Variants in CREB5 observed in about 807,000 individuals in gnomAD.
The protein encoded by CREB5 is cyclic AMP-responsive element-binding protein 5.
Under a neutral mutation model 57.1 loss-of-function variants are expected in CREB5, and 19 were observed. The ratio of observed to expected loss-of-function variants is 0.33; its 90% CI spans 0.23 to 0.49. CREB5 has a LOEUF of 0.49. Among genes scored for constraint, CREB5 ranks in the 20% least tolerant of loss-of-function variants. The pLI is 0.99. For synonymous variants in CREB5, 238 were observed against 238.3 expected, an observed-to-expected ratio of 1.00 and a Z score of 0.01; for missense variants, 579 against 671.6, an observed-to-expected ratio of 0.86 and a Z score of 1.52.
chr7:28,701,364 G>T (rs537342506), intron 5 of CREB5, among the ~76,000 whole-genome samples: 1 of 152,144 alleles, frequency 6.6e-6, no homozygotes, highest in South Asian at 2.1e-4. Context: ...ATTTGTAAAT[G>T]GGCCAACTTT....
At chr7:28,401,190 A>G (rs2127999704) in intron 1 of CREB5, among the ~76,000 whole-genome samples, 1 of 152,280 alleles carries the variant, frequency 6.6e-6, no homozygotes, top group East Asian at 1.9e-4. Context: ...CAACTTTTAT[A>G]GGGATGTTAA....
chr7:28,560,889 T>TGCGCGCGCGC (rs1310018316), intron 4 of CREB5, among the ~76,000 whole-genome samples: 1 of 18,210 alleles, frequency 5.5e-5, no homozygotes, highest in Non-Finnish European at 1.0e-4. Context: ...CGTGCGTGCG[T>TGCGCGCGCGC]GTGTGTGCGT....
At chr7:28,589,526 G>T (rs911289882) in intron 5 of CREB5, among the ~76,000 whole-genome samples, 31 of 152,042 alleles carry the variant, frequency 2.0e-4, no homozygotes, top group African/African-American at 7.5e-4. Flanking sequence ...TGCACTCCAG[G>T]CTGGGCGACA....
At chr7:28,496,798 GTTT>G (rs10542662) in intron 3 of CREB5, among the ~76,000 whole-genome samples, 34,964 of 148,322 alleles carry the variant, frequency 0.24, 4,675 homozygotes, top group African/African-American at 0.38. Context: ...GTTTGTTATT[GTTT>G]TTTTTTTTTT....
intron 1 of CREB5, among the ~76,000 whole-genome samples, chr7:28,403,746 T>G (rs974149017): frequency 1.3e-5 from 2 of 152,160 alleles, no homozygotes; most frequent in Non-Finnish European, 2.9e-5. Context: ...TTGAATCCAG[T>G]GCTAACTGAA....
intron 1 of CREB5, among the ~76,000 whole-genome samples, chr7:28,431,979 T>C (rs1788731294): frequency 7.4e-6 from 1 of 134,822 alleles, no homozygotes. Flanking sequence ...CAAACAGCTA[T>C]GCCTTTTTTT....
chr7:28,727,550 T>C (rs111810288), intron 7 of CREB5, among the ~76,000 whole-genome samples: 1 of 152,322 alleles, frequency 6.6e-6, no homozygotes, highest in African/African-American at 2.4e-5. Flanking sequence ...GTGGTTATGG[T>C]GTTCTCAGAG....
At chr7:28,532,363 G>A (rs1055249220) in intron 4 of CREB5, among the ~76,000 whole-genome samples, 1 of 152,240 alleles carries the variant, frequency 6.6e-6, no homozygotes, top group African/African-American at 2.4e-5. Context: ...TCCTGACATA[G>A]AGAAACCGTG....
At chr7:28,592,892 T>C (rs186493162) in intron 5 of CREB5, among the ~76,000 whole-genome samples, 3 of 152,324 alleles carry the variant, frequency 2.0e-5, no homozygotes, top group Admixed American at 2.0e-4. Context: ...ACTATTATGA[T>C]TCCTATTTCA....
chr7:28,753,401 C>T (rs1805097231), intron 7 of CREB5, among the ~76,000 whole-genome samples: 1 of 152,162 alleles, frequency 6.6e-6, no homozygotes, highest in African/African-American at 2.4e-5. Context: ...CACACTCACA[C>T]ACTCACAATT....
At chr7:28,466,739 T>G (rs1790591112) in intron 1 of CREB5, among the ~76,000 whole-genome samples, 1 of 152,154 alleles carries the variant, frequency 6.6e-6, no homozygotes. Context: ...CTCTCCGGTG[T>G]GTTGACTCCT....
At chr7:28,464,276 T>C (rs1241056655) in intron 1 of CREB5, among the ~76,000 whole-genome samples, 1 of 152,214 alleles carries the variant, frequency 6.6e-6, no homozygotes, top group Admixed American at 6.5e-5. Flanking sequence ...TCTATATTCA[T>C]AAGAAATATT....
intron 7 of CREB5, among the ~76,000 whole-genome samples, chr7:28,734,206 CAAAAAAAAAAAAAA>C (rs61403862): frequency 3.1e-5 from 3 of 96,444 alleles, no homozygotes; most frequent in African/African-American, 4.5e-5. Context: ...TTCAGTAGTT[CAAAAAAAAAAAAAA>C]AAAAAAAAAA....
At chr7:28,544,237 T>A (rs1350455035) in intron 4 of CREB5, among the ~76,000 whole-genome samples, 2 of 152,178 alleles carry the variant, frequency 1.3e-5, no homozygotes, top group African/African-American at 2.4e-5. Context: ...ATTTTCTCTC[T>A]CACAGCCTGG....
chr7:28,430,848 T>A (rs1466452109), intron 1 of CREB5, among the ~76,000 whole-genome samples: 1 of 152,166 alleles, frequency 6.6e-6, no homozygotes, highest in Non-Finnish European at 1.5e-5. Flanking sequence ...CTGCTCTGGA[T>A]CTGTCACAAG....
chr7:28,780,928 G>C (rs1806937856), intron 7 of CREB5, among the ~76,000 whole-genome samples: 1 of 152,138 alleles, frequency 6.6e-6, no homozygotes, highest in Admixed American at 6.5e-5. Flanking sequence ...TATTCAAACT[G>C]TCTTAGCCAA....
At chr7:28,618,949 G>T (rs1036422596) in intron 5 of CREB5, among the ~76,000 whole-genome samples, 19 of 152,130 alleles carry the variant, frequency 1.2e-4, no homozygotes, top group African/African-American at 4.1e-4. Flanking sequence ...GATTTATAAA[G>T]AACTTTCCAA....
At chr7:28,511,372 A>G (rs1209093216) in intron 4 of CREB5, among the ~76,000 whole-genome samples, 1 of 152,150 alleles carries the variant, frequency 6.6e-6, no homozygotes, top group African/African-American at 2.4e-5. Flanking sequence ...AATTACAAAG[A>G]GACCCAAGGC....
intron 2 of CREB5, among the ~76,000 whole-genome samples, chr7:28,494,033 T>C (rs1791914783): frequency 6.6e-6 from 1 of 152,208 alleles, no homozygotes; most frequent in African/African-American, 2.4e-5. Context: ...TGAATCACGA[T>C]TCTCTTCTTT....
Sources: allele counts gnomAD v4.1 joint callset (sites outside exome capture counted in the v4.1 genomes callset), GRCh38; gene constraint gnomAD v4.1.1; transcripts MANE v1.5; gene names NCBI Gene and HGNC (gene_info 2026-07-23, HGNC 2026-07-21).